The following QTGAL variants were observed in gnomAD, a reference collection of about 807,000 sequenced individuals.
QTGAL encodes BGnT-like protein 1.
the QTGAL span, among the ~76,000 whole-genome samples, chr17:82,997,045 C>A: frequency 6.6e-6 from 1 of 152,090 alleles, no homozygotes; most frequent in Non-Finnish European, 1.5e-5. Context: ...AATGGGCAGA[C>A]GGGATCACAT....
chr17:82,967,764 AAATAAT>A, the QTGAL span, among the ~76,000 whole-genome samples: 72,168 of 150,300 alleles, frequency 0.48, 17,630 homozygotes, highest in Admixed American at 0.6. Context: ...GCAACTCTAC[AAATAAT>A]AATAATAATA....
chr17:83,049,159 G>A, the QTGAL span: 66 of 198,212 alleles, frequency 3.3e-4, 1 homozygote, highest in Middle Eastern at 4.8e-3. Context: ...AAGCTGAGGC[G>A]GGAGAATGGC....
chr17:82,989,628 T>C, the QTGAL span, among the ~76,000 whole-genome samples: 1 of 152,166 alleles, frequency 6.6e-6, no homozygotes, highest in Non-Finnish European at 1.5e-5. Context: ...TAAGGAAGTT[T>C]CAACGTTTTT....
At chr17:82,994,578 G>A in the QTGAL span, among the ~76,000 whole-genome samples, 7 of 152,162 alleles carry the variant, frequency 4.6e-5, 1 homozygote, top group East Asian at 1.4e-3. Context: ...GCAAAGAAAA[G>A]CCTGGGACCC....
At chr17:82,982,485 C>T in the QTGAL span, among the ~76,000 whole-genome samples, 5 of 152,212 alleles carry the variant, frequency 3.3e-5, no homozygotes, top group South Asian at 8.3e-4. Context: ...CGGAGATCCT[C>T]TTCCCTCCCG....
At chr17:82,958,070 C>A in the QTGAL span, among the ~76,000 whole-genome samples, 1 of 152,106 alleles carries the variant, frequency 6.6e-6, no homozygotes, top group South Asian at 2.1e-4. Context: ...CTTCCCAGCC[C>A]CGCCCTCTCT....
the QTGAL span, among the ~76,000 whole-genome samples, chr17:82,962,358 C>T: frequency 1.3e-5 from 2 of 152,248 alleles, no homozygotes; most frequent in Non-Finnish European, 2.9e-5. Flanking sequence ...AAAGAACAGA[C>T]CTCAAAATCA....
the QTGAL span, among the ~76,000 whole-genome samples, chr17:83,039,550 C>A: frequency 1.9e-5 from 2 of 105,110 alleles, no homozygotes; most frequent in South Asian, 5.9e-4. Flanking sequence ...CACTGCTGGG[C>A]GCCCGCCGCC....
At chr17:83,014,595 G>A in the QTGAL span, 2 of 1,527,438 alleles carry the variant, frequency 1.3e-6, no homozygotes, top group African/African-American at 1.4e-5. Context: ...CCGCTTTATT[G>A]CCCAGGCTGG....
chr17:83,033,616 C>T, the QTGAL span, among the ~76,000 whole-genome samples: 8 of 151,504 alleles, frequency 5.3e-5, no homozygotes, highest in South Asian at 2.1e-4. Context: ...GGACTACAGG[C>T]GCCCACCACC....
chr17:82,947,333 A>T, the QTGAL span: 4 of 283,216 alleles, frequency 1.4e-5, no homozygotes, highest in Non-Finnish European at 2.7e-5. Flanking sequence ...CCCTCCACAC[A>T]CCCACCCCTC....
the QTGAL span, among the ~76,000 whole-genome samples, chr17:83,013,663 G>T: frequency 6.6e-6 from 1 of 151,804 alleles, no homozygotes; most frequent in Non-Finnish European, 1.5e-5. Context: ...TGACTGAACC[G>T]TGTGGTGACC....
the QTGAL span, among the ~76,000 whole-genome samples, chr17:82,999,540 C>A: frequency 0.012 from 1,848 of 152,230 alleles, 43 homozygotes; most frequent in African/African-American, 0.042. Flanking sequence ...GAAGCCTTAC[C>A]GATAACATCA....
the QTGAL span, chr17:82,942,450 C>A: frequency 6.2e-7 from 1 of 1,613,964 alleles, no homozygotes; most frequent in Admixed American, 1.7e-5. Context: ...CTTCTTCAGC[C>A]TGGTGCCTGC....
the QTGAL span, among the ~76,000 whole-genome samples, chr17:83,026,529 G>A: frequency 1.2e-4 from 17 of 146,290 alleles, 1 homozygote; most frequent in South Asian, 2.2e-3. Context: ...CACACAGAGC[G>A]GAGTGGGGAG....
the QTGAL span, among the ~76,000 whole-genome samples, chr17:83,030,527 C>T: frequency 1.2e-4 from 19 of 152,172 alleles, no homozygotes; most frequent in Middle Eastern, 3.2e-3. Context: ...CACTGCTGCT[C>T]GGGGTCTGGG....
the QTGAL span, among the ~76,000 whole-genome samples, chr17:83,023,374 C>T: frequency 6.6e-6 from 1 of 151,226 alleles, no homozygotes; most frequent in Admixed American, 6.6e-5. Context: ...GGCCCACCTG[C>T]ACCAGCATGA....
At chr17:82,961,048 C>T in the QTGAL span, 1 of 1,606,890 alleles carries the variant, frequency 6.2e-7, no homozygotes, top group Non-Finnish European at 8.5e-7. Context: ...CCGGGCGGGG[C>T]TGACTCACTC....
At chr17:82,957,346 G>A in the QTGAL span, 3 of 1,613,560 alleles carry the variant, frequency 1.9e-6, no homozygotes, top group Non-Finnish European at 2.5e-6. Context: ...TTGGAGGGTG[G>A]CAGGATGCTC....
Sources: gnomAD v4.1 joint callset for allele counts (sites outside exome capture counted in the v4.1 genomes callset) on GRCh38, gnomAD v4.1.1 for gene constraint, MANE v1.5 for transcripts, NCBI Gene and HGNC (gene_info 2026-07-23, HGNC 2026-07-21) for gene names.